Variants in ATP8A1 observed in about 807,000 individuals in gnomAD.
ATP8A1 encodes the protein ATPase phospholipid transporting 8A1.
Under a neutral mutation model 177.7 loss-of-function variants are expected in ATP8A1, and 90 were observed. That is an observed-to-expected ratio of 0.51 (90% CI 0.43 to 0.60). ATP8A1 has a LOEUF of 0.60. ATP8A1 is among the 20% of genes least tolerant of loss of function. The pLI is 0.00. For synonymous variants in ATP8A1, 493 were observed against 485.9 expected (o/e 1.01, Z -0.19); for missense variants, 1,072 against 1,392.8 (o/e 0.77, Z 3.67).
intron 22 of ATP8A1, among the ~76,000 whole-genome samples, chr4:42,513,812 T>C (rs1157570376): frequency 6.6e-6 from 1 of 152,130 alleles, no homozygotes; most frequent in Admixed American, 6.5e-5. Context: ...CTAGTAGCTG[T>C]ATGGGGCTGG....
At chr4:42,481,826 G>A (rs983557197) in intron 25 of ATP8A1, among the ~76,000 whole-genome samples, 7 of 152,186 alleles carry the variant, frequency 4.6e-5, no homozygotes, top group Non-Finnish European at 8.8e-5. Context: ...AAAAGTATCC[G>A]TGATCACACC....
intron 4 of ATP8A1, among the ~76,000 whole-genome samples, chr4:42,619,117 T>G (rs1466681001): frequency 6.6e-6 from 1 of 151,646 alleles, no homozygotes; most frequent in Non-Finnish European, 1.5e-5. Context: ...TAGTGGGATC[T>G]CGGCTCATTG....
At chr4:42,555,074 C>T (rs1437033969) in intron 16 of ATP8A1, among the ~76,000 whole-genome samples, 1 of 149,534 alleles carries the variant, frequency 6.7e-6, no homozygotes, top group Admixed American at 6.7e-5. Context: ...AATAAACTCC[C>T]CTTTGTGTGT....
intron 18 of ATP8A1, among the ~76,000 whole-genome samples, chr4:42,550,479 C>A (rs924352107): frequency 6.6e-6 from 1 of 152,162 alleles, no homozygotes; most frequent in Non-Finnish European, 1.5e-5. Context: ...CAATTGCTGG[C>A]TCAGGTGTAA....
chr4:42,454,592 T>C (rs148733448), intron 29 of ATP8A1, among the ~76,000 whole-genome samples: 172 of 152,312 alleles, frequency 1.1e-3, no homozygotes, highest in African/African-American at 3.8e-3. Context: ...GAAATTGAAT[T>C]ATTAACAAAT....
intron 24 of ATP8A1, among the ~76,000 whole-genome samples, chr4:42,488,246 C>G (rs905727272): frequency 6.6e-6 from 1 of 152,162 alleles, no homozygotes; most frequent in Non-Finnish European, 1.5e-5. Context: ...TTAACACTTG[C>G]TACCATCCTG....
chr4:42,529,946 G>A (rs949936581), intron 20 of ATP8A1, among the ~76,000 whole-genome samples: 3 of 152,238 alleles, frequency 2.0e-5, no homozygotes, highest in African/African-American at 7.2e-5. Flanking sequence ...TGGAAAATTG[G>A]TGACAAAGAA....
intron 22 of ATP8A1, among the ~76,000 whole-genome samples, chr4:42,508,200 T>TTGGCTCACCA (rs749477324): frequency 4.1e-4 from 62 of 152,218 alleles, no homozygotes; most frequent in Non-Finnish European, 8.7e-4. Flanking sequence ...TGGTGCCATC[T>TTGGCTCACCA]TGGCTCACCA....
rs2153164351 is a variant in ATP8A1, at chr4:42,410,025, A to G, written c.*2891T>C. ...GAAAAAGTTTTCCATTAACTTAGCA[A>G]CACTGCTGAAGCAGTCTCACATTAG... On this transcript the variant is annotated 3_prime_UTR_variant, in exon 37 of 37. Transcript: ENST00000381668. 1 of 152,306 alleles carries G rather than the reference A, an allele frequency of 6.6e-6. No homozygotes were observed. Among genetic ancestry groups the G allele is most frequent in the South Asian group, 2.1e-4 (1 of 4,830 alleles). The allele number at this position is 152,306 out of a possible 1,614,324, so 9.4% of individuals were successfully genotyped here.
chr4:42,437,168 A>T (rs1716089829), intron 33 of ATP8A1, among the ~76,000 whole-genome samples: 1 of 152,222 alleles, frequency 6.6e-6, no homozygotes, highest in African/African-American at 2.4e-5. Context: ...GCCACAATAA[A>T]TTTAAAGGTT....
At chr4:42,624,498 C>T (rs773261988) in intron 4 of ATP8A1, 38 bp downstream of exon 4, 75 of 1,139,346 alleles carry the variant, frequency 6.6e-5, no homozygotes, top group Non-Finnish European at 8.6e-5. Flanking sequence ...ATATAAATAA[C>T]AAAGTCACAT....
chr4:42,646,384 C>A (rs114436338), intron 1 of ATP8A1, among the ~76,000 whole-genome samples: 7 of 152,048 alleles, frequency 4.6e-5, no homozygotes, highest in Non-Finnish European at 8.8e-5. Context: ...CAAATGTTGA[C>A]GTTAAAGATT....
chr4:42,472,407 TAA>T (rs35603880), intron 25 of ATP8A1: 836 of 252,638 alleles, frequency 3.3e-3, no homozygotes, highest in South Asian at 0.011. Flanking sequence ...AATTCACAGT[TAA>T]AAAAAAAAAA....
intron 4 of ATP8A1, among the ~76,000 whole-genome samples, chr4:42,617,036 C>T (rs1220086832): frequency 6.6e-6 from 1 of 152,130 alleles, no homozygotes; most frequent in Non-Finnish European, 1.5e-5. Context: ...GTTGTGCGTA[C>T]CTGACTATAA....
At chr4:42,569,113 C>T (rs369908766) in intron 15 of ATP8A1, 48 bp downstream of exon 15, 1 of 1,326,492 alleles carries the variant, frequency 7.5e-7, no homozygotes. Context: ...CAATAAAATG[C>T]AAACCTTTTA....
At position 42,412,027 on chromosome 4, in the gene ATP8A1, C is replaced by T. The variant is rs1227892437; in HGVS notation, c.*889G>A. On this transcript the variant is annotated 3_prime_UTR_variant, in exon 37 of 37. Coordinates refer to ENST00000381668, the MANE Select transcript of ATP8A1 (RefSeq NM_006095.2). ...GAGGAAAAACTTTAAGACAAAATGA[C>T]ATCACTCAATCTACTGCATTAGCCA... is the stretch of plus-strand genomic sequence containing the variant. 6.6e-6 allele frequency: 1 copy of T among 152,176 alleles called. No individual in the cohort carries two copies. The highest frequency in any genetic ancestry group is 1.5e-5 in the Non-Finnish European group (1 of 68,016). 9.4% of individuals were successfully genotyped at this position (152,176 alleles called of 1,614,324 possible). A position where few individuals can be genotyped will look rare whatever the true frequency, so the allele number is the denominator to read the frequency against.
At chr4:42,547,774 T>C (rs1304247530) in intron 19 of ATP8A1, among the ~76,000 whole-genome samples, 1 of 152,210 alleles carries the variant, frequency 6.6e-6, no homozygotes, top group Non-Finnish European at 1.5e-5. Context: ...ATTTTTGTTA[T>C]TAACCACTGG....
intron 35 of ATP8A1, among the ~76,000 whole-genome samples, chr4:42,416,386 T>C (rs1226675004): frequency 6.6e-6 from 1 of 152,156 alleles, no homozygotes; most frequent in East Asian, 1.9e-4. Context: ...CTGGCCTTCC[T>C]AAATGCATAA....
chr4:42,448,401 C>CTTTTTTTTTTTTTTTTTTTTTTTTTTTT (rs1226963744), intron 30 of ATP8A1, among the ~76,000 whole-genome samples: 8 of 99,552 alleles, frequency 8.0e-5, no homozygotes, highest in East Asian at 7.0e-4. Context: ...TCTTTCTTTT[C>CTTTTTTTTTTTTTTTTTTTTTTTTTTTT]TTTTTTTTTT....
Sources: gnomAD v4.1 joint callset for allele counts (sites outside exome capture counted in the v4.1 genomes callset) on GRCh38, gnomAD v4.1.1 for gene constraint, MANE v1.5 for transcripts, NCBI Gene and HGNC (gene_info 2026-07-23, HGNC 2026-07-21) for gene names.